The following ADPRHL1 variants were observed in gnomAD, a reference collection of about 807,000 sequenced individuals.
ADPRHL1 encodes the protein ADP-ribosylhydrolase like 1.
In ADPRHL1, 43 loss-of-function variants were observed where a neutral mutation model predicts 44.1. The ratio of observed to expected loss-of-function variants is 0.98; its 90% CI spans 0.76 to 1.26. The LOEUF (loss-of-function observed/expected upper bound fraction) is 1.26, where lower values mean the gene tolerates loss of function less well. Among genes scored for constraint, ADPRHL1 ranks in the 50% most tolerant of loss-of-function variants. The pLI, the probability that ADPRHL1 is intolerant of heterozygous loss-of-function variation, is 0.00. For synonymous variants in ADPRHL1, 878 were observed against 1,017.4 expected, an observed-to-expected ratio of 0.86 and a Z score of 2.61; for missense variants, 2,022 against 2,496.9, an observed-to-expected ratio of 0.81 and a Z score of 4.05.
At position 113,450,322 on chromosome 13, in the gene ADPRHL1, G is replaced by T. The variant is rs774358213; in HGVS notation, c.214+2902C>A. Among the ~76,000 whole-genome samples the T allele has an allele frequency of 2.6e-5, 4 of 152,148 alleles. No individual in the cohort carries two copies. The South Asian group carries it at 8.3e-4, about 32-fold the overall frequency. On this transcript the variant is annotated intron_variant, in intron 1 of 7. Transcript: ENST00000612156. ...TGAAATTTCGACTTTGATTTTTAGT[G>T]AGTTGAAAAAAATCTGCTTGCTTTG... is the stretch of plus-strand genomic sequence containing the variant.
At chr13:113,423,983 C>T (rs1443368022) in intron 6 of ADPRHL1, among the ~76,000 whole-genome samples, 14 of 152,204 alleles carry the variant, frequency 9.2e-5, no homozygotes, top group Non-Finnish European at 1.5e-4. Flanking sequence ...ACAGCAGGCA[C>T]CTGCAGCTGC....
At position 113,453,192 on chromosome 13, in the gene ADPRHL1, C is replaced by T. The variant is rs1373233386; in HGVS notation, c.214+32G>A. 5.6e-6 allele frequency: 9 copies of T among 1,611,124 alleles called. No individual in the cohort carries two copies. The Admixed American group carries it at 1.5e-4, about 27-fold the overall frequency. ...TCGAGCAGCCAGTGTTCCCTCCAGC[C>T]CGCACACCGGAGCGCGGTGGGCCCA... On this transcript the variant is annotated intron_variant, in intron 1 of 7. Transcript: ENST00000612156. The surrounding 1 kb of genome is among the most constrained non-coding windows in gnomAD (Gnocchi z 5.4).
rs1021112415 is a variant in ADPRHL1, at chr13:113,401,191, A to C, written c.*2187T>G. 7.2e-5 allele frequency: 11 copies of C among 152,090 alleles called. No individual in the cohort carries two copies. The highest frequency in any genetic ancestry group is 1.5e-4 in the Non-Finnish European group (10 of 68,030). The allele number at this position is 152,090 out of a possible 1,614,324, so 9.4% of individuals were successfully genotyped here. A position where few individuals can be genotyped will look rare whatever the true frequency, so the allele number is the denominator to read the frequency against. Reference sequence around the variant, plus strand: ...CAGGGAGGACGCCCCAGGCATGAGCAGGGGCCGCCAACAGGACAAAGAGGC... The same window carrying C: ...CAGGGAGGACGCCCCAGGCATGAGCCGGGGCCGCCAACAGGACAAAGAGGC... On this transcript the variant is annotated 3_prime_UTR_variant, in exon 8 of 8. Coordinates refer to ENST00000612156, the MANE Select transcript of ADPRHL1 (RefSeq NM_001394807.1). This position sits in a 1 kb window ranked among gnomAD's most constrained non-coding sequence, Gnocchi z 5.5.
At chr13:113,421,449 G>A (rs1359676505) in intron 7 of ADPRHL1, among the ~76,000 whole-genome samples, 2 of 113,870 alleles carry the variant, frequency 1.8e-5, no homozygotes, top group African/African-American at 3.4e-5. Flanking sequence ...CCTGGGACAC[G>A]CCCATCCCCG....
At chr13:113,451,686 T>C (rs2044180164) in intron 1 of ADPRHL1, among the ~76,000 whole-genome samples, 1 of 152,096 alleles carries the variant, frequency 6.6e-6, no homozygotes, top group South Asian at 2.1e-4. Flanking sequence ...TGGGCACCTG[T>C]AGCCCCAGCT....
chr13:113,450,397 C>T (rs1040041324), intron 1 of ADPRHL1, among the ~76,000 whole-genome samples: 2 of 152,146 alleles, frequency 1.3e-5, no homozygotes, highest in Admixed American at 6.5e-5. Context: ...GTCGGTGGGT[C>T]TCTCCCTGTG....
At chr13:113,433,972 A>C in intron 2 of ADPRHL1, 105 bp from the exon 3 acceptor site, 1 of 1,419,820 alleles carries the variant, frequency 7.0e-7, no homozygotes, top group South Asian at 1.5e-5. Flanking sequence ...TTTGTGTAAT[A>C]ACATGTTATC....
rs186029230 is a variant in ADPRHL1 at position 113,431,217 on chromosome 13, C to T, written c.506-2125G>A. ...CACCGGGGCTGTGACACTGCCCTGC[C>T]GGGGCTGTCGTGGGGAAAAGATGAC... On this transcript the variant is annotated intron_variant, in intron 3 of 7. Coordinates refer to ENST00000612156, the MANE Select transcript of ADPRHL1 (RefSeq NM_001394807.1). Among the ~76,000 whole-genome samples, 207 of 152,312 alleles carry T rather than the reference C, an allele frequency of 1.4e-3. 1 individual carries two copies. The highest frequency in any genetic ancestry group is 4.8e-3 in the African/African-American group (199 of 41,570).
chr13:113,410,638 C>G (rs1016355658), intron 7 of ADPRHL1, among the ~76,000 whole-genome samples: 1 of 152,228 alleles, frequency 6.6e-6, no homozygotes, highest in African/African-American at 2.4e-5. Context: ...GCCGCTGTGT[C>G]CCTATGGCTG....
At chr13:113,417,232 A>G (rs879944554) in intron 7 of ADPRHL1, among the ~76,000 whole-genome samples, 13 of 152,144 alleles carry the variant, frequency 8.5e-5, no homozygotes, top group Non-Finnish European at 1.6e-4. Context: ...TGTCCCCCCA[A>G]TCTGCAGGCT....
rs747201607 is a variant in ADPRHL1 at position 113,403,372 on chromosome 13, G to C, written c.*6C>G. The C allele has an allele frequency of 2.8e-5, 35 of 1,231,792 alleles. No individual in the cohort carries two copies. The highest frequency in any genetic ancestry group is 3.5e-5 in the Non-Finnish European group (35 of 987,872). 76.3% of individuals were successfully genotyped at this position (1,231,792 alleles called of 1,614,324 possible). On this transcript the variant is annotated 3_prime_UTR_variant, in exon 8 of 8. Coordinates refer to ENST00000612156, the MANE Select transcript of ADPRHL1 (RefSeq NM_001394807.1). ...GCTGGGCGAGCCACGGTGTGTACTC[G>C]GGGCCTCACTTTGGGAGCTCAGACG... is the stretch of plus-strand genomic sequence containing the variant.
rs2139587501 is a variant in ADPRHL1, at chr13:113,402,691, C to T, written c.*687G>A. The T allele has an allele frequency of 6.6e-6, 1 of 152,438 alleles. No homozygotes were observed. The highest frequency in any genetic ancestry group is 6.5e-5 in the Admixed American group (1 of 15,304). The allele number at this position is 152,438 out of a possible 1,614,324, so 9.4% of individuals were successfully genotyped here. ...GCTCTGCACTGTCCCTTTCTCAGAA[C>T]TTAACGTGGGCATTTCCTGAGGCCT... On this transcript the variant is annotated 3_prime_UTR_variant, in exon 8 of 8. Coordinates refer to ENST00000612156, the MANE Select transcript of ADPRHL1 (RefSeq NM_001394807.1).
In ADPRHL1 at chr13:113,424,356, A is replaced by G; in HGVS notation, c.775-7T>C. The G allele has an allele frequency of 1.9e-6, 3 of 1,612,620 alleles. No individual in the cohort carries two copies. Among genetic ancestry groups the G allele is most frequent in the Non-Finnish European group, 2.5e-6 (3 of 1,179,812 alleles). ...AGCTCCACTTCCTGTAGGTCTGACA[A>G]GAGAGCCGTGGGTCGGGGCGTGTGC... On this transcript the variant is annotated splice_polypyrimidine_tract_variant and splice_region_variant and intron_variant, in intron 5 of 7. Transcript: ENST00000612156.
At chr13:113,434,026 T>TG (rs59659705) in intron 2 of ADPRHL1, among the ~76,000 whole-genome samples, 159 bp from the exon 3 acceptor site, 51,968 of 152,016 alleles carry the variant, frequency 0.34, 9,168 homozygotes, top group Middle Eastern at 0.49. Context: ...GCCACTCAAG[T>TG]CCTGCAGCAG....
chr13:113,420,417 G>A (rs1434657911), intron 7 of ADPRHL1, among the ~76,000 whole-genome samples: 1 of 148,808 alleles, frequency 6.7e-6, no homozygotes, highest in Admixed American at 6.7e-5. Context: ...CCCTGCTCAT[G>A]CGAGCTGGCC....
intron 2 of ADPRHL1, among the ~76,000 whole-genome samples, chr13:113,435,248 C>T (rs9604107): frequency 0.026 from 228 of 8,664 alleles, 1 homozygote; most frequent in Admixed American, 0.036. Context: ...AGAGTGAACA[C>T]AGGTGTACCC....
chr13:113,438,246 A>T (rs2044074762), intron 2 of ADPRHL1, among the ~76,000 whole-genome samples: 1 of 152,156 alleles, frequency 6.6e-6, no homozygotes. Flanking sequence ...CTACATTTTT[A>T]AAAATTTTAG....
chr13:113,429,760 C>T (rs770291369), intron 3 of ADPRHL1, among the ~76,000 whole-genome samples: 22 of 152,324 alleles, frequency 1.4e-4, no homozygotes, highest in Non-Finnish European at 2.4e-4. Context: ...TGTGCGGGGC[C>T]GACTCACTCG....
rs1299568577 is a variant in ADPRHL1 at position 113,404,502 on chromosome 13, C to T, written c.4780G>A (p.Gly1594Arg). 6 of 1,312,390 alleles carry T rather than the reference C, an allele frequency of 4.6e-6. No homozygotes were observed. The East Asian group carries it at 1.2e-4, about 27-fold the overall frequency. 81.3% of individuals were successfully genotyped at this position (1,312,390 alleles called of 1,614,324 possible). Residue 1594 changes from glycine (G) to arginine (R), a missense_variant, in exon 8 of 8, where the codon GGA (glycine) becomes AGA (arginine). Gly to Arg is a moderately radical substitution (Grantham distance 125). Coordinates refer to ENST00000612156, the MANE Select transcript of ADPRHL1 (RefSeq NM_001394807.1). ...AQKWAQGQIQ[G>R]QAQKQVQGEV... ...CCTTGAACCTGTTTCTGGGCCTGTC[C>T]CTGAATCTGCCCCTGAGCCCATTTC... is the stretch of plus-strand genomic sequence containing the variant.
Sources: allele counts gnomAD v4.1 joint callset (sites outside exome capture counted in the v4.1 genomes callset), GRCh38; gene constraint gnomAD v4.1.1; non-coding constraint Gnocchi (gnomAD v3.1); transcripts MANE v1.5; gene names NCBI Gene and HGNC (gene_info 2026-07-23, HGNC 2026-07-21).